Variants in KCNK18 observed in about 807,000 individuals in gnomAD.
KCNK18 encodes potassium channel subfamily K member 18.
KCNK18 carries 8 observed loss-of-function variants against 11.8 expected under a neutral mutation model. That is an observed-to-expected ratio of 0.68 (90% CI 0.40 to 1.22). The LOEUF is 1.22. KCNK18 is among the 50% of genes most tolerant of loss of function. KCNK18 has a pLI of 0.01. For missense variants in KCNK18, 442 were observed against 465.4 expected, an observed-to-expected ratio of 0.95 and a Z score of 0.46; for synonymous variants, 208 against 185.8, an observed-to-expected ratio of 1.12 and a Z score of -0.97.
chr10:117,209,949 C>G lies in KCNK18; in HGVS notation c.805C>G (p.Leu269Val), dbSNP rs1564992787. The stretch of plus-strand genomic sequence containing the variant: ...ACTCTCATACTCCATCATCAGCAAC[C>G]TGGATGAAGTTGGACAGCAGGTGGA... ...GRLSYSIISNLDEVGQQVERL... is the reference protein window; with the variant it reads ...GRLSYSIISNVDEVGQQVERL... The change falls in exon 3 of 3, where the codon CTG becomes GTG. Residue 269 changes from leucine (L) to valine (V), a missense_variant. By Grantham distance (32) the Leu-to-Val change is conservative. Coordinates refer to ENST00000334549, the MANE Select transcript of KCNK18 (RefSeq NM_181840.1). 1.2e-6 allele frequency: 2 copies of G among 1,614,216 alleles called. No homozygotes were observed. Among genetic ancestry groups the G allele is most frequent in the Non-Finnish European group, 1.7e-6 (2 of 1,180,032 alleles).
intron 1 of KCNK18, 136 bp downstream of exon 1, chr10:117,197,847 C>T (rs771439280): frequency 3.7e-5 from 27 of 726,168 alleles, no homozygotes; most frequent in Admixed American, 1.0e-4. Flanking sequence ...GCACTTTAAG[C>T]GAGTAACTTC....
intron 2 of KCNK18, among the ~76,000 whole-genome samples, chr10:117,201,706 G>A (rs61680075): frequency 0.067 from 10,155 of 152,194 alleles, 545 homozygotes; most frequent in Admixed American, 0.16. Flanking sequence ...ATGCTTCCTC[G>A]TGCTTATGAG....
intron 1 of KCNK18, among the ~76,000 whole-genome samples, chr10:117,200,661 C>T (rs1472476047): frequency 6.6e-6 from 1 of 151,994 alleles, no homozygotes; most frequent in Admixed American, 6.6e-5. Context: ...CAAAAATTAG[C>T]TGGGCATGGG....
Position 117,210,221 on chromosome 10 carries a change from A to C in KCNK18, c.1077A>C (p.Gln359His). The C allele has an allele frequency of 1.9e-6, 3 of 1,614,196 alleles. No individual in the cohort carries two copies. The highest frequency in any genetic ancestry group is 2.5e-6 in the Non-Finnish European group (3 of 1,180,034). Residue 359 changes from glutamine (Q) to histidine (H), a missense_variant, in exon 3 of 3, where the codon CAA (glutamine) becomes CAC (histidine). Coordinates refer to ENST00000334549, the MANE Select transcript of KCNK18 (RefSeq NM_181840.1). ...TGTTCATTGCTTTCAAGTTGGTGCA[A>C]AACAGGCTGATTGACATATACAAAA... is the stretch of plus-strand genomic sequence containing the variant. ...EIVFIAFKLV[Q>H]NRLIDIYKNV...
Position 117,197,575 on chromosome 10 carries a change from T to G in KCNK18, c.87T>G (p.Phe29Leu). 6.2e-7 allele frequency: 1 copy of G among 1,614,232 alleles called. No individual in the cohort carries two copies. Among genetic ancestry groups the G allele is most frequent in the Non-Finnish European group, 8.5e-7 (1 of 1,180,040 alleles). ...KLFPGLCFLCFLVTYALVGAV... is the reference protein window; with the variant it reads ...KLFPGLCFLCLLVTYALVGAV... The stretch of plus-strand genomic sequence containing the variant: ...TCCCTGGCCTCTGCTTCCTCTGCTT[T>G]CTGGTGACCTACGCCCTGGTGGGTG... Residue 29 changes from phenylalanine to leucine, a missense_variant, in exon 1 of 3, where the codon TTT becomes TTG. Physicochemically the swap from Phe to Leu is conservative, Grantham distance 22 (BLOSUM62 0). Coordinates refer to ENST00000334549, the MANE Select transcript of KCNK18 (RefSeq NM_181840.1).
Position 117,209,787 on chromosome 10 carries a change from G to A in KCNK18, c.643G>A (p.Gly215Ser). ...SAEELPGPKLGTCPSRPSCSM... is the reference protein window; with the variant it reads ...SAEELPGPKLSTCPSRPSCSM... ...TGAAGAGCTTCCAGGCCCCAAACTT[G>A]GCACATGTCCTTCACGCCCAAGCTG... The change falls in exon 3 of 3, where the codon GGC (glycine) becomes AGC (serine). Residue 215 changes from glycine to serine, a missense_variant. Transcript: ENST00000334549. The A allele has an allele frequency of 6.2e-7, 1 of 1,614,086 alleles. No homozygotes were observed. Among genetic ancestry groups the A allele is most frequent in the Non-Finnish European group, 8.5e-7 (1 of 1,180,030 alleles).
chr10:117,210,181 T>A lies in KCNK18; in HGVS notation c.1037T>A (p.Val346Asp). ...FFLFFSIYII[V>D]GMEIVFIAFK... ...CTGTTCTTCTCCATTTATATCATCG[T>A]TGGAATGGAGATTGTGTTCATTGCT... Residue 346 changes from valine (V) to aspartate (D), a missense_variant, in exon 3 of 3, where the codon GTT (valine) becomes GAT (aspartate). By Grantham distance (152) the Val-to-Asp change is radical. Transcript: ENST00000334549. 6.2e-7 allele frequency: 1 copy of A among 1,614,230 alleles called. No homozygotes were observed. Among genetic ancestry groups the A allele is most frequent in the Non-Finnish European group, 8.5e-7 (1 of 1,180,014 alleles).
intron 2 of KCNK18, among the ~76,000 whole-genome samples, chr10:117,208,034 C>T (rs980330734): frequency 6.6e-6 from 1 of 152,106 alleles, no homozygotes; most frequent in Admixed American, 6.6e-5. Flanking sequence ...AGGGGAGGGG[C>T]TCCCGACGGG....
At chr10:117,201,377 T>C in intron 2 of KCNK18, 90 bp downstream of exon 2, 3 of 1,352,152 alleles carry the variant, frequency 2.2e-6, no homozygotes, top group East Asian at 2.3e-5. Flanking sequence ...GGTGTGGAGA[T>C]GGCCCTCCTC....
At chr10:117,202,706 C>T (rs1228350053) in intron 2 of KCNK18, among the ~76,000 whole-genome samples, 1 of 152,146 alleles carries the variant, frequency 6.6e-6, no homozygotes, top group African/African-American at 2.4e-5. Flanking sequence ...ACCAGGATGA[C>T]TAAGACCAAT....
chr10:117,210,111 A>G lies in KCNK18; in HGVS notation c.967A>G (p.Thr323Ala). The G allele has an allele frequency of 6.2e-7, 1 of 1,613,864 alleles. No individual in the cohort carries two copies. The change falls in exon 3 of 3, where the codon ACC (threonine) becomes GCC (alanine). Residue 323 changes from threonine (T) to alanine (A), a missense_variant. Physicochemically the swap from Thr to Ala is moderately conservative, Grantham distance 58 (BLOSUM62 0). Transcript: ENST00000334549. ...CTATTTCTGCTTTGTCACACTCACC[A>G]CCATTGGGTTTGGGGATACTGTTTT... Reference protein sequence around the residue: ...AFYFCFVTLTTIGFGDTVLEH... With the variant: ...AFYFCFVTLTAIGFGDTVLEH...
intron 2 of KCNK18, among the ~76,000 whole-genome samples, chr10:117,207,840 A>G (rs1468745491): frequency 6.6e-6 from 1 of 152,222 alleles, no homozygotes; most frequent in Non-Finnish European, 1.5e-5. Context: ...AGATTAATTT[A>G]CATAATTGGG....
At chr10:117,203,697 T>C (rs1418620330) in intron 2 of KCNK18, among the ~76,000 whole-genome samples, 1 of 152,202 alleles carries the variant, frequency 6.6e-6, no homozygotes, top group Non-Finnish European at 1.5e-5. Context: ...ATGCCATGCA[T>C]GGCTAATTTT....
chr10:117,204,393 G>A lies in KCNK18; in HGVS notation c.352+3106G>A, dbSNP rs537341620. Among the ~76,000 whole-genome samples the A allele has an allele frequency of 2.5e-4, 38 of 152,218 alleles. No homozygotes were observed. In the South Asian group the frequency reaches 7.9e-3, roughly 32 times the overall value. ...TCTGCAGAGGAGGCTCCTGTGCAAT[G>A]TAGGATGTTGAGCAGCATCTCTGGC... On this transcript the variant is annotated intron_variant, in intron 2 of 2. Coordinates refer to ENST00000334549, the MANE Select transcript of KCNK18 (RefSeq NM_181840.1).
intron 2 of KCNK18, among the ~76,000 whole-genome samples, chr10:117,202,886 CTTTTTTTTT>C (rs201850637): frequency 0.089 from 10,908 of 123,046 alleles, 612 homozygotes; most frequent in East Asian, 0.25. Context: ...TGCCTGAATG[CTTTTTTTTT>C]TTTTTTTTTT....
At chr10:117,197,749 G>T in intron 1 of KCNK18, 38 bp downstream of exon 1, 1 of 1,575,530 alleles carries the variant, frequency 6.3e-7, no homozygotes, top group Non-Finnish European at 8.7e-7. Context: ...CCTTTTCTCC[G>T]TGGTGGCAGC....
chr10:117,202,321 A>T (rs1199549827), intron 2 of KCNK18, among the ~76,000 whole-genome samples: 1 of 152,230 alleles, frequency 6.6e-6, no homozygotes, highest in Non-Finnish European at 1.5e-5. Flanking sequence ...GCTGATGACT[A>T]TGTATGTAAG....
intron 2 of KCNK18, among the ~76,000 whole-genome samples, chr10:117,202,456 G>C (rs1257512248): frequency 2.0e-5 from 3 of 152,238 alleles, no homozygotes; most frequent in Non-Finnish European, 4.4e-5. Context: ...CTGATATGCA[G>C]GTCATGCCCA....
chr10:117,198,686 G>T (rs568637071), intron 1 of KCNK18, among the ~76,000 whole-genome samples: 5 of 152,340 alleles, frequency 3.3e-5, no homozygotes, highest in African/African-American at 1.2e-4. Context: ...CTCCCACTCT[G>T]GTGTGGGGGC....
Sources: gnomAD v4.1 joint callset for allele counts (sites outside exome capture counted in the v4.1 genomes callset) on GRCh38, gnomAD v4.1.1 for gene constraint, MANE v1.5 for transcripts, NCBI Gene and HGNC (gene_info 2026-07-23, HGNC 2026-07-21) for gene names.